PRKG1: variants seen among roughly 807,000 people sequenced by gnomAD.
The protein encoded by PRKG1 is protein kinase cGMP-dependent 1.
In PRKG1, 35 loss-of-function variants were observed where a neutral mutation model predicts 88.1. The observed-to-expected ratio is 0.40, with a 90% CI of 0.30 to 0.53. The LOEUF is 0.53. Ranked by LOEUF, PRKG1 falls within the 20% of genes least tolerant of loss-of-function variation. The pLI, the probability that PRKG1 is intolerant of heterozygous loss-of-function variation, is 0.59. For synonymous variants in PRKG1, 303 were observed against 292.5 expected, an observed-to-expected ratio of 1.04 and a Z score of -0.37; for missense variants, 540 against 839.8, an observed-to-expected ratio of 0.64 and a Z score of 4.41.
At chr10:51,442,051 CT>C (rs1839126549) in intron 2 of PRKG1, among the ~76,000 whole-genome samples, 1 of 151,510 alleles carries the variant, frequency 6.6e-6, no homozygotes, top group Admixed American at 6.6e-5. Flanking sequence ...GGAAGTTTTA[CT>C]TTTTTGTCAC....
chr10:52,255,901 A>G (rs1053026515), intron 10 of PRKG1, among the ~76,000 whole-genome samples: 1 of 151,848 alleles, frequency 6.6e-6, no homozygotes, highest in African/African-American at 2.4e-5. Flanking sequence ...ACCCTACTTT[A>G]TAATCTTCAA....
intron 2 of PRKG1, among the ~76,000 whole-genome samples, chr10:51,342,785 T>C (rs959076529): frequency 6.6e-6 from 1 of 152,240 alleles, no homozygotes; most frequent in South Asian, 2.1e-4. Flanking sequence ...ATTATACTTA[T>C]TGCTTCTTGT....
chr10:52,102,745 A>T (rs1379760410), intron 7 of PRKG1, among the ~76,000 whole-genome samples: 2 of 151,968 alleles, frequency 1.3e-5, no homozygotes, highest in African/African-American at 2.4e-5. Flanking sequence ...AATGAGGAAG[A>T]CATAGACGCA....
At chr10:51,721,488 C>G (rs1295470765) in intron 3 of PRKG1, among the ~76,000 whole-genome samples, 2 of 152,054 alleles carry the variant, frequency 1.3e-5, no homozygotes, top group Non-Finnish European at 2.9e-5. Context: ...AGAGCCAGAA[C>G]TAGAGAAATC....
chr10:52,217,037 A>G (rs1043055658), intron 9 of PRKG1, among the ~76,000 whole-genome samples: 1 of 152,036 alleles, frequency 6.6e-6, no homozygotes, highest in Admixed American at 6.6e-5. Flanking sequence ...TCTGATGGTG[A>G]TGCGGAAAAA....
At chr10:51,626,010 T>C (rs1839327896) in intron 3 of PRKG1, among the ~76,000 whole-genome samples, 1 of 152,240 alleles carries the variant, frequency 6.6e-6, no homozygotes, top group Non-Finnish European at 1.5e-5. Flanking sequence ...AATAGTAATT[T>C]TATTTTACTT....
rs551660574 is a variant in PRKG1 at position 51,046,296 on chromosome 10, A to G, written c.266+54652A>G. 5.9e-5 allele frequency among the ~76,000 whole-genome samples: 9 copies of G among 152,280 alleles called. No individual in the cohort carries two copies. In the East Asian group the frequency reaches 1.2e-3, roughly 20 times the overall value. On this transcript the variant is annotated intron_variant, in intron 1 of 17. Coordinates refer to the PRKG1 transcript ENST00000401604. ...GAGAGACCTCTGTATGTGGAACTTG[A>G]TGATGGAGGCTTTGAGCCTGAGATC...
At chr10:51,117,337 T>G (rs151149565) in intron 1 of PRKG1, among the ~76,000 whole-genome samples, 1 of 152,232 alleles carries the variant, frequency 6.6e-6, no homozygotes, top group Non-Finnish European at 1.5e-5. Context: ...TCTTGTTATA[T>G]TCTATCAACA....
At chr10:51,474,350 G>A (rs772315133) in intron 3 of PRKG1, among the ~76,000 whole-genome samples, 1 of 152,000 alleles carries the variant, frequency 6.6e-6, no homozygotes, top group Non-Finnish European at 1.5e-5. Flanking sequence ...CTATTGGTCT[G>A]AGGACTCCGC....
At chr10:51,033,740 A>G (rs964978779) in intron 1 of PRKG1, among the ~76,000 whole-genome samples, 1 of 152,198 alleles carries the variant, frequency 6.6e-6, no homozygotes, top group Admixed American at 6.6e-5. Context: ...CCAGAGAGCT[A>G]TGTTTGCAGA....
chr10:51,289,599 T>C (rs1167109124), intron 2 of PRKG1, among the ~76,000 whole-genome samples: 2 of 152,048 alleles, frequency 1.3e-5, no homozygotes, highest in Non-Finnish European at 2.9e-5. Context: ...TCACCTAGGA[T>C]ACTTGGGAAA....
intron 3 of PRKG1, among the ~76,000 whole-genome samples, chr10:51,566,123 G>GA (rs1488597601): frequency 6.6e-6 from 1 of 152,086 alleles, no homozygotes; most frequent in African/African-American, 2.4e-5. Flanking sequence ...GCCAAATGTA[G>GA]AAAATATAAT....
chr10:52,166,308 A>T (rs1361935328), intron 9 of PRKG1, among the ~76,000 whole-genome samples: 1 of 114,932 alleles, frequency 8.7e-6, no homozygotes, highest in Admixed American at 1.1e-4. Context: ...CACCATTTCC[A>T]ATACCAAGGA....
chr10:51,385,058 T>C (rs1001462098), intron 2 of PRKG1, among the ~76,000 whole-genome samples: 2 of 152,236 alleles, frequency 1.3e-5, no homozygotes, highest in Non-Finnish European at 2.9e-5. Flanking sequence ...TTTTATGAAG[T>C]TGTCCTAATG....
intron 7 of PRKG1, chr10:52,128,592 C>T: frequency 1.0e-6 from 1 of 983,898 alleles, no homozygotes; most frequent in South Asian, 4.7e-5. Flanking sequence ...ATTTTTCATG[C>T]TCTATTGTTT....
intron 9 of PRKG1, among the ~76,000 whole-genome samples, chr10:52,221,940 G>A (rs888456861): frequency 6.6e-6 from 1 of 152,196 alleles, no homozygotes; most frequent in Non-Finnish European, 1.5e-5. Flanking sequence ...TGAAGCAGAG[G>A]TGGTTAGGTG....
chr10:51,961,646 T>C (rs1056136762), intron 5 of PRKG1, among the ~76,000 whole-genome samples: 1 of 152,204 alleles, frequency 6.6e-6, no homozygotes, highest in East Asian at 1.9e-4. Context: ...TCATGGTGAT[T>C]GTTATTTGTT....
At chr10:51,921,362 G>A (rs1221753176) in intron 5 of PRKG1, among the ~76,000 whole-genome samples, 1 of 152,008 alleles carries the variant, frequency 6.6e-6, no homozygotes, top group Non-Finnish European at 1.5e-5. Context: ...TATGATTGAG[G>A]ACAATTTTAT....
chr10:51,959,526 G>T (rs1335968063), intron 5 of PRKG1, among the ~76,000 whole-genome samples: 1 of 152,120 alleles, frequency 6.6e-6, no homozygotes, highest in Non-Finnish European at 1.5e-5. Context: ...TTCCAGCTTT[G>T]ATGCCTCCTA....
Sources: allele counts gnomAD v4.1 joint callset (sites outside exome capture counted in the v4.1 genomes callset), GRCh38; gene constraint gnomAD v4.1.1; transcripts MANE v1.5; gene names NCBI Gene and HGNC (gene_info 2026-07-23, HGNC 2026-07-21).